Variants in ZNF69 observed in about 807,000 individuals in gnomAD.
ZNF69 encodes the protein zinc finger protein 69, also known as ZNF3.
A neutral mutation model predicts 50.9 loss-of-function variants in ZNF69; 47 were observed. The ratio of observed to expected loss-of-function variants is 0.92; its 90% CI spans 0.73 to 1.18. The LOEUF (loss-of-function observed/expected upper bound fraction) is 1.18. Among genes scored for constraint, ZNF69 ranks in the 50% most tolerant of loss-of-function variants. The probability of loss-of-function intolerance (pLI) is 0.00; values close to 1 mark genes in which losing one functional copy is unlikely to be tolerated. For missense variants in ZNF69, 717 were observed against 675.1 expected, an observed-to-expected ratio of 1.06 and a Z score of -0.69; for synonymous variants, 216 against 223.1, an observed-to-expected ratio of 0.97 and a Z score of 0.29.
intron 1 of ZNF69, among the ~76,000 whole-genome samples, chr19:11,894,809 G>A (rs1041546076): frequency 6.6e-6 from 1 of 152,200 alleles, no homozygotes; most frequent in South Asian, 2.1e-4. Flanking sequence ...TCAGCCAGTT[G>A]GATGGTGCTA....
chr19:11,901,925 T>G (rs1599354321), intron 1 of ZNF69, among the ~76,000 whole-genome samples: 1 of 152,276 alleles, frequency 6.6e-6, no homozygotes, highest in East Asian at 1.9e-4. Context: ...TTTGCTTTTT[T>G]CAATTATCCT....
chr19:11,979,282 A>C, the ZNF69 span: 3 of 1,613,490 alleles, frequency 1.9e-6, no homozygotes, highest in Non-Finnish European at 2.5e-6. Flanking sequence ...CTATGAGTGT[A>C]AGCAATGTGG....
At chr19:11,929,158 A>G in the ZNF69 span, among the ~76,000 whole-genome samples, 1 of 147,968 alleles carries the variant, frequency 6.8e-6, no homozygotes, top group Non-Finnish European at 1.5e-5. Flanking sequence ...TTTTTGAATT[A>G]CTTTGTTGTT....
At chr19:11,950,116 C>G in the ZNF69 span, 1 of 1,614,162 alleles carries the variant, frequency 6.2e-7, no homozygotes, top group Non-Finnish European at 8.5e-7. Flanking sequence ...TGCAAGAACA[C>G]ACATTGGAGA....
chr19:11,945,718 C>T, the ZNF69 span, among the ~76,000 whole-genome samples: 1 of 152,008 alleles, frequency 6.6e-6, no homozygotes, highest in Non-Finnish European at 1.5e-5. Flanking sequence ...CATTCCTCCT[C>T]CTGGGGGACA....
At chr19:11,947,906 G>A in the ZNF69 span, among the ~76,000 whole-genome samples, 2 of 152,134 alleles carry the variant, frequency 1.3e-5, no homozygotes, top group East Asian at 3.8e-4. Context: ...TACTCAGGAG[G>A]CGAAGGCAGG....
chr19:11,934,212 G>A, the ZNF69 span, among the ~76,000 whole-genome samples: 1 of 148,070 alleles, frequency 6.8e-6, no homozygotes, highest in Non-Finnish European at 1.5e-5. Flanking sequence ...CCTTGTTTGA[G>A]TCTAGTTTTT....
At chr19:11,956,614 G>T in the ZNF69 span, 1 of 398,432 alleles carries the variant, frequency 2.5e-6, no homozygotes, top group South Asian at 1.3e-4. Context: ...CCAGCACTTT[G>T]GGAGGCCAAG....
At chr19:11,939,068 G>A in the ZNF69 span, among the ~76,000 whole-genome samples, 1 of 152,002 alleles carries the variant, frequency 6.6e-6, no homozygotes, top group Non-Finnish European at 1.5e-5. Flanking sequence ...CTTTTTGATG[G>A]GGTTGTTTGA....
the ZNF69 span, among the ~76,000 whole-genome samples, chr19:11,956,918 A>G: frequency 6.6e-6 from 1 of 152,158 alleles, no homozygotes; most frequent in East Asian, 1.9e-4. Context: ...TCAGCTGCTC[A>G]AATTGACCAT....
At chr19:11,948,203 G>C in the ZNF69 span, 2 of 1,522,806 alleles carry the variant, frequency 1.3e-6, no homozygotes, top group East Asian at 2.3e-5. Flanking sequence ...AAAAATGCAA[G>C]TGCAATACTT....
At chr19:11,914,061 T>A (rs1296097733) in exon 5 of ZNF69, 2 of 152,186 alleles carry the variant, frequency 1.3e-5, no homozygotes, top group African/African-American at 4.8e-5. Context: ...TGGCTGGGCA[T>A]GGTGGCTCAC....
intron 1 of ZNF69, among the ~76,000 whole-genome samples, 192 bp from the exon 2 acceptor site, chr19:11,903,381 C>A (rs1375962745): frequency 6.6e-6 from 1 of 152,200 alleles, no homozygotes; most frequent in Non-Finnish European, 1.5e-5. Flanking sequence ...GCACTCCAGC[C>A]TGGGCAATAA....
the ZNF69 span, among the ~76,000 whole-genome samples, chr19:11,933,354 T>G: frequency 6.7e-6 from 1 of 148,340 alleles, no homozygotes; most frequent in African/African-American, 2.6e-5. Context: ...CGATGAAAAT[T>G]GAAGAAGCCA....
At chr19:11,961,196 A>G in the ZNF69 span, among the ~76,000 whole-genome samples, 1 of 152,204 alleles carries the variant, frequency 6.6e-6, no homozygotes, top group African/African-American at 2.4e-5. Flanking sequence ...ATCACATAAC[A>G]TTTATAAAAG....
At chr19:11,901,878 G>T (rs567179606) in intron 1 of ZNF69, among the ~76,000 whole-genome samples, 2 of 151,786 alleles carry the variant, frequency 1.3e-5, no homozygotes, top group Admixed American at 6.6e-5. Context: ...TAGTTTGACA[G>T]ATCTACATAA....
intron 1 of ZNF69, among the ~76,000 whole-genome samples, chr19:11,898,597 A>T (rs1599351129): frequency 6.6e-6 from 1 of 151,942 alleles, no homozygotes; most frequent in South Asian, 2.1e-4. Context: ...CACCATATTG[A>T]CCAGGCTGGT....
At chr19:11,904,229 C>G (rs1421981830) in intron 3 of ZNF69, among the ~76,000 whole-genome samples, 3 of 152,076 alleles carry the variant, frequency 2.0e-5, no homozygotes, top group African/African-American at 7.2e-5. Flanking sequence ...CACATATCAA[C>G]AACAGCAAAA....
the ZNF69 span, among the ~76,000 whole-genome samples, chr19:11,927,818 T>G: frequency 1.3e-5 from 2 of 152,174 alleles, no homozygotes; most frequent in African/African-American, 4.8e-5. Flanking sequence ...GGGAAACATT[T>G]TGTGATCATG....
Sources: allele counts gnomAD v4.1 joint callset (sites outside exome capture counted in the v4.1 genomes callset), GRCh38; gene constraint gnomAD v4.1.1; transcripts MANE v1.5; gene names NCBI Gene and HGNC (gene_info 2026-07-23, HGNC 2026-07-21).